MORN4: variants seen among roughly 807,000 people sequenced by gnomAD.
MORN4 encodes MORN repeat containing 4, also known as MORN repeat-containing protein 4.
In MORN4, 8 loss-of-function variants were observed where a neutral mutation model predicts 16.4. That is an observed-to-expected ratio of 0.49 (90% CI 0.29 to 0.88). MORN4 has a LOEUF of 0.88. Ranked by LOEUF, MORN4 falls within the 40% of genes least tolerant of loss-of-function variation. The pLI is 0.09. For missense variants in MORN4, 159 were observed against 182.9 expected, an observed-to-expected ratio of 0.87 and a Z score of 0.75; for synonymous variants, 53 against 68.9, an observed-to-expected ratio of 0.77 and a Z score of 1.14.
intron 1 of MORN4, among the ~76,000 whole-genome samples, chr10:97,622,080 A>T (rs2041302108): frequency 6.6e-6 from 1 of 152,194 alleles, no homozygotes; most frequent in Admixed American, 6.6e-5. Flanking sequence ...ACCCTGTCCC[A>T]GCTGGCCACA....
At position 97,616,750 on chromosome 10, in the gene MORN4, C is replaced by T. The variant is rs373734943; in HGVS notation, c.220G>A (p.Val74Ile). 1.7e-5 allele frequency: 28 copies of T among 1,613,974 alleles called. No homozygotes were observed. Among genetic ancestry groups the T allele is most frequent in the East Asian group, 1.6e-4 (7 of 44,896 alleles). Residue 74 changes from valine to isoleucine, a missense_variant, in exon 4 of 5, where the codon GTC becomes ATC. Val to Ile is a conservative substitution (Grantham distance 29). Coordinates refer to ENST00000307450, the MANE Select transcript of MORN4 (RefSeq NM_178832.4). The part of the protein sequence containing the change: ...GEFAQGKFNG[V>I]GVFIRYDNMT... ...TTGTCATATCGAATGAAGACTCCGA[C>T]GCCATTAAACTTGCCCTGGGCAAAC...
chr10:97,622,630 A>G (rs538020651), intron 1 of MORN4, among the ~76,000 whole-genome samples: 48 of 147,362 alleles, frequency 3.3e-4, no homozygotes, highest in African/African-American at 1.1e-3. Flanking sequence ...AGGAGGCAGA[A>G]GTGCAGTGAG....
chr10:97,632,211 C>CT, intron 1 of MORN4, among the ~76,000 whole-genome samples: 3 of 139,330 alleles, frequency 2.2e-5, no homozygotes, highest in South Asian at 4.5e-4. Flanking sequence ...ATAATACTCC[C>CT]CTTTTTTTTT....
chr10:97,632,812 T>G (rs999759992), intron 1 of MORN4, among the ~76,000 whole-genome samples: 2 of 151,992 alleles, frequency 1.3e-5, no homozygotes, highest in Non-Finnish European at 2.9e-5. Context: ...ATGCCAGGGC[T>G]GGACTCCGAT....
At position 97,617,303 on chromosome 10, in the gene MORN4, A is replaced by C. The variant is rs1220894807; in HGVS notation, c.87T>G (p.Gly29=). ...TGCCACCATCTGCAAACATCAGTTGACCAAAACCATGCCTGCGGCCTGAAC... is the reference window on the plus strand; with the variant it reads ...TGCCACCATCTGCAAACATCAGTTGCCCAAAACCATGCCTGCGGCCTGAAC... ...EWKEGRRHGF[G]QLMFADGGTY... The change falls in exon 3 of 5, where the codon GGT becomes GGG. Residue 29 remains glycine (G), a synonymous_variant. Coordinates refer to ENST00000307450, the MANE Select transcript of MORN4 (RefSeq NM_178832.4). The C allele has an allele frequency of 6.2e-7, 1 of 1,614,030 alleles. No individual in the cohort carries two copies. Among genetic ancestry groups the C allele is most frequent in the Non-Finnish European group, 8.5e-7 (1 of 1,180,002 alleles).
At chr10:97,619,867 A>G (rs1225481136) in intron 1 of MORN4, among the ~76,000 whole-genome samples, 184 bp from the exon 2 acceptor site, 1 of 152,104 alleles carries the variant, frequency 6.6e-6, no homozygotes, top group Non-Finnish European at 1.5e-5. Context: ...CCTCTGCCCA[A>G]GTGCTCTTAT....
rs2041245445 is a variant in MORN4, at chr10:97,617,340, T to A, written c.68-18A>T. The A allele has an allele frequency of 1.2e-6, 2 of 1,609,268 alleles. No individual in the cohort carries two copies. Among genetic ancestry groups the A allele is most frequent in the East Asian group, 4.5e-5 (2 of 44,858 alleles). ...CCTGCGGCCTGAACAAAGAGAAGGA[T>A]AGGTGTCAGGTTGGAAGGAGGCAGC... On this transcript the variant is annotated intron_variant, in intron 2 of 4. Coordinates refer to ENST00000307450, the MANE Select transcript of MORN4 (RefSeq NM_178832.4).
intron 2 of MORN4, among the ~76,000 whole-genome samples, chr10:97,618,889 T>A (rs2041263144): frequency 6.6e-6 from 1 of 151,558 alleles, no homozygotes; most frequent in African/African-American, 2.4e-5. Context: ...CCACTTAGAG[T>A]TCTGTGATCT....
intron 1 of MORN4, among the ~76,000 whole-genome samples, chr10:97,621,539 C>T (rs2041293663): frequency 6.6e-6 from 1 of 152,158 alleles, no homozygotes; most frequent in South Asian, 2.1e-4. Context: ...GAGTTATTCT[C>T]CCTCCGTTCA....
intron 1 of MORN4, among the ~76,000 whole-genome samples, chr10:97,628,276 T>A (rs571512588): frequency 1.2e-4 from 18 of 152,328 alleles, no homozygotes; most frequent in African/African-American, 4.3e-4. Context: ...AACCAACTTG[T>A]TTTCACTCAA....
At chr10:97,630,087 G>A (rs995464086) in intron 1 of MORN4, among the ~76,000 whole-genome samples, 2 of 152,208 alleles carry the variant, frequency 1.3e-5, no homozygotes, top group East Asian at 1.9e-4. Context: ...ACCATGCCCA[G>A]CTAATTTTTT....
rs757057260 is a variant in MORN4, at chr10:97,616,416, G to A, written c.293-5C>T. Reference sequence around the variant, plus strand: ...CATCAGGGAAAGTCAGCAGGCCTTTGAGGAGGGCAGAGAAAATATGGGAGT... The same window carrying A: ...CATCAGGGAAAGTCAGCAGGCCTTTAAGGAGGGCAGAGAAAATATGGGAGT... On this transcript the variant is annotated splice_region_variant and splice_polypyrimidine_tract_variant and intron_variant, in intron 4 of 4. Coordinates refer to ENST00000307450, the MANE Select transcript of MORN4 (RefSeq NM_178832.4). 1 of 1,590,522 alleles carries A rather than the reference G, an allele frequency of 6.3e-7. No homozygotes were observed. Among genetic ancestry groups the A allele is most frequent in the Non-Finnish European group, 8.6e-7 (1 of 1,168,096 alleles).
chr10:97,626,457 CT>C lies in MORN4; in HGVS notation c.-30-6775del, dbSNP rs531941467. On this transcript the variant is annotated intron_variant, in intron 1 of 4. Transcript: ENST00000307450. Reference sequence around the variant, plus strand: ...ATATGTTCTGATGCTTGTTCTCTCTCTTTTTTTTTTTTTCTTGAAACGGAGT... The same window carrying C: ...ATATGTTCTGATGCTTGTTCTCTCTCTTTTTTTTTTTTCTTGAAACGGAGT... Among the ~76,000 whole-genome samples the C allele has an allele frequency of 5.6e-3, 799 of 142,268 alleles. 9 individuals are homozygous for C. The highest frequency in any genetic ancestry group is 0.015 in the African/African-American group (598 of 39,190). 93.3% of individuals were successfully genotyped at this position (142,268 alleles called of 152,430 possible). A position where few individuals can be genotyped will look rare whatever the true frequency, so the allele number is the denominator to read the frequency against.
chr10:97,629,753 T>TG (rs1172021202), intron 1 of MORN4, among the ~76,000 whole-genome samples: 2 of 151,948 alleles, frequency 1.3e-5, no homozygotes, highest in African/African-American at 4.8e-5. Flanking sequence ...GGTGTTTTTT[T>TG]TTTGTTTGTT....
Position 97,630,855 on chromosome 10 carries a change from A to G in MORN4, c.-31+2492T>C, listed in dbSNP as rs116586452. Among the ~76,000 whole-genome samples, 1,181 of 152,222 alleles carry G rather than the reference A, an allele frequency of 7.8e-3. 17 individuals are homozygous for G. The highest frequency in any genetic ancestry group is 0.027 in the African/African-American group (1,115 of 41,548). Reference sequence around the variant, plus strand: ...CAGTGCCGATGAAGACTGAAAGCCCAATACTTTTTTTTTTTTGAGGCAGTC... The same window carrying G: ...CAGTGCCGATGAAGACTGAAAGCCCGATACTTTTTTTTTTTTGAGGCAGTC... On this transcript the variant is annotated intron_variant, in intron 1 of 4. Coordinates refer to ENST00000307450, the MANE Select transcript of MORN4 (RefSeq NM_178832.4).
At chr10:97,623,105 C>T (rs4919124) in intron 1 of MORN4, among the ~76,000 whole-genome samples, 3,348 of 152,056 alleles carry the variant, frequency 0.022, 145 homozygotes, top group East Asian at 0.14. Flanking sequence ...GTAATTTTGA[C>T]AATGCAGATT....
At chr10:97,626,380 AATAATAATAATAATAATC>A (rs1489739632) in intron 1 of MORN4, among the ~76,000 whole-genome samples, 20 of 27,970 alleles carry the variant, frequency 7.2e-4, no homozygotes, top group African/African-American at 3.2e-3. Context: ...CTGACTCAAA[AATAATAATAATAATAATC>A]ATAATCATAA....
chr10:97,620,488 C>CAAAAAAAAAAAAAAAAAAAAA (rs1210683127), intron 1 of MORN4, among the ~76,000 whole-genome samples: 1 of 41,216 alleles, frequency 2.4e-5, no homozygotes, highest in Non-Finnish European at 4.5e-5. Flanking sequence ...GACTCTGTCT[C>CAAAAAAAAAAAAAAAAAAAAA]AAAAAAAAAA....
At position 97,616,140 on chromosome 10, in the gene MORN4, T is replaced by C. The variant is rs1186516229; in HGVS notation, c.*123A>G. The C allele has an allele frequency of 3.8e-6, 4 of 1,040,204 alleles. No homozygotes were observed. The highest frequency in any genetic ancestry group is 4.0e-6 in the Non-Finnish European group (3 of 746,830). The allele number at this position is 1,040,204 out of a possible 1,614,324, so 64.4% of individuals were successfully genotyped here. A position where few individuals can be genotyped will look rare whatever the true frequency, so the allele number is the denominator to read the frequency against. On this transcript the variant is annotated 3_prime_UTR_variant, in exon 5 of 5. Transcript: ENST00000307450. ...CTGGAATGGCAGGTGACAGGGCACATACAAGGCCTCTGCTCCACTGTCATT... is the reference window on the plus strand; with the variant it reads ...CTGGAATGGCAGGTGACAGGGCACACACAAGGCCTCTGCTCCACTGTCATT...
Sources: allele counts gnomAD v4.1 joint callset (sites outside exome capture counted in the v4.1 genomes callset), GRCh38; gene constraint gnomAD v4.1.1; transcripts MANE v1.5; gene names NCBI Gene and HGNC (gene_info 2026-07-23, HGNC 2026-07-21).